Variants in TNIK observed in about 807,000 individuals in gnomAD.
The protein encoded by TNIK is TRAF2 and NCK-interacting protein kinase.
Under a neutral mutation model 191.3 loss-of-function variants are expected in TNIK, and 49 were observed. The ratio of observed to expected loss-of-function variants is 0.26; its 90% CI spans 0.20 to 0.32. The LOEUF is 0.32. Ranked by LOEUF, TNIK falls within the 10% of genes least tolerant of loss-of-function variation. The pLI is 1.00. For missense variants in TNIK, 1,155 were observed against 1,702.3 expected, an observed-to-expected ratio of 0.68 and a Z score of 5.66; for synonymous variants, 594 against 600.9, an observed-to-expected ratio of 0.99 and a Z score of 0.17.
intron 27 of TNIK, 125 bp downstream of exon 27, chr3:171,082,126 A>G: frequency 1.5e-6 from 2 of 1,303,614 alleles, no homozygotes; most frequent in Non-Finnish European, 2.1e-6. Context: ...CACTCTGGCT[A>G]TACTGCTATA....
At chr3:171,261,357 C>A (rs1367455243) in intron 2 of TNIK, among the ~76,000 whole-genome samples, 1 of 152,172 alleles carries the variant, frequency 6.6e-6, no homozygotes, top group Non-Finnish European at 1.5e-5. Context: ...ATATTTCTCC[C>A]CAAGCAAAAT....
chr3:171,333,103 C>T lies in TNIK; in HGVS notation c.123+36517G>A, dbSNP rs146690590. On this transcript the variant is annotated intron_variant, in intron 2 of 32. Coordinates refer to ENST00000436636, the MANE Select transcript of TNIK (RefSeq NM_015028.4). ...GGAAGAGGCCCCAGTTGATGGCCTT[C>T]GAACTATATTCTGCTTGAAAATATT... 1.1e-4 allele frequency among the ~76,000 whole-genome samples: 17 copies of T among 152,122 alleles called. 1 individual carries two copies. Among genetic ancestry groups the T allele is most frequent in the African/African-American group, 4.1e-4 (17 of 41,504 alleles).
intron 1 of TNIK, among the ~76,000 whole-genome samples, chr3:171,380,021 A>G (rs922696165): frequency 3.3e-5 from 2 of 61,064 alleles, no homozygotes; most frequent in African/African-American, 1.2e-4. Flanking sequence ...ACACACACAC[A>G]CACACGCGCA....
chr3:171,119,524 G>T (rs369691141), intron 18 of TNIK, among the ~76,000 whole-genome samples: 2 of 152,160 alleles, frequency 1.3e-5, no homozygotes, highest in African/African-American at 2.4e-5. Context: ...TATTCACAAT[G>T]ACAAAGACTT....
In TNIK at chr3:171,110,814, G is replaced by A. The variant is rs1198708328; in HGVS notation, c.2184C>T (p.Gly728=). ...LESPLQRTSS[G]SSSSSSTPSS... ...TAGGGGTGCTGGAGCTGGAGGAACT[G>A]CCACTGCTGGTCCTCTGCAAGGGGC... The change falls in exon 19 of 33, where the codon GGC becomes GGT. Residue 728 remains glycine, a synonymous_variant. Coordinates refer to ENST00000436636, the MANE Select transcript of TNIK (RefSeq NM_015028.4). The A allele has an allele frequency of 1.2e-6, 2 of 1,604,512 alleles. No individual in the cohort carries two copies. The highest frequency in any genetic ancestry group is 1.7e-6 in the Non-Finnish European group (2 of 1,175,996).
At chr3:171,217,086 A>C (rs1741542035) in intron 3 of TNIK, among the ~76,000 whole-genome samples, 1 of 152,128 alleles carries the variant, frequency 6.6e-6, no homozygotes, top group Non-Finnish European at 1.5e-5. Flanking sequence ...CTGCCAAAAA[A>C]ATACTTGCAC....
At chr3:171,131,664 C>T (rs1026401497) in intron 15 of TNIK, among the ~76,000 whole-genome samples, 2 of 152,166 alleles carry the variant, frequency 1.3e-5, no homozygotes, top group Admixed American at 6.5e-5. Context: ...AAGGGTGTAA[C>T]GATGAGGCAT....
chr3:171,112,053 G>C (rs146106300), intron 18 of TNIK, among the ~76,000 whole-genome samples: 27 of 152,244 alleles, frequency 1.8e-4, no homozygotes, highest in African/African-American at 6.0e-4. Context: ...GAAGATAGTA[G>C]ATCTTAAATG....
intron 15 of TNIK, among the ~76,000 whole-genome samples, chr3:171,137,850 AC>A (rs1347638382): frequency 2.0e-5 from 3 of 152,164 alleles, no homozygotes. Context: ...ACATTATTCA[AC>A]AAAAAGGTCA....
chr3:171,152,777 T>G (rs547415530), intron 12 of TNIK, among the ~76,000 whole-genome samples: 2 of 7,590 alleles, frequency 2.6e-4, no homozygotes, highest in African/African-American at 9.0e-3. Flanking sequence ...TTGTTTTTTG[T>G]TTTTTTTTTT....
chr3:171,260,388 T>C (rs1003688338), intron 2 of TNIK, among the ~76,000 whole-genome samples: 1 of 152,174 alleles, frequency 6.6e-6, no homozygotes, highest in Non-Finnish European at 1.5e-5. Flanking sequence ...CCAGTGTCAC[T>C]GAATAACTTT....
chr3:171,211,330 G>A, intron 3 of TNIK, 89 bp from the exon 4 acceptor site: 1 of 1,424,474 alleles, frequency 7.0e-7, no homozygotes, highest in Non-Finnish European at 9.4e-7. Flanking sequence ...ATTTTTTCTT[G>A]TTTTTTCTTC....
chr3:171,177,293 G>A (rs1369264523), intron 8 of TNIK, 33 bp downstream of exon 8: 2 of 1,594,354 alleles, frequency 1.3e-6, no homozygotes, highest in Non-Finnish European at 1.7e-6. Flanking sequence ...GAGCAGACCA[G>A]CAACAGATTT....
chr3:171,084,362 T>C (rs1036409659), intron 25 of TNIK, 37 bp from the exon 26 acceptor site: 6 of 1,594,242 alleles, frequency 3.8e-6, no homozygotes, highest in Non-Finnish European at 5.1e-6. Flanking sequence ...AGTGACATCT[T>C]AAAAGATAAC....
rs750448181 is a variant in TNIK, at chr3:171,066,642, C to T, written c.3793G>A (p.Val1265Ile). 1.2e-5 allele frequency: 19 copies of T among 1,613,760 alleles called. No homozygotes were observed. In the South Asian group the frequency reaches 2.0e-4, roughly 17 times the overall value. The change falls in exon 31 of 33, where the codon GTA (valine) becomes ATA (isoleucine). Residue 1265 changes from valine to isoleucine, a missense_variant. By Grantham distance (29) the Val-to-Ile change is conservative. Transcript: ENST00000436636. ...LVCYEDEGVYVNTYGRITKDV... is the reference protein window; with the variant it reads ...LVCYEDEGVYINTYGRITKDV... ...TTAGTTATCCGGCCATAGGTGTTTA[C>T]ATACACCCCCTCATCCTCATAGCAA...
At chr3:171,208,353 A>G (rs534005969) in intron 4 of TNIK, among the ~76,000 whole-genome samples, 26 of 150,794 alleles carry the variant, frequency 1.7e-4, no homozygotes, top group South Asian at 1.5e-3. Context: ...AAGATTAGAG[A>G]AAAAAAAAGC....
At chr3:171,126,213 T>C in intron 16 of TNIK, 62 bp from the exon 17 acceptor site, 1 of 1,439,424 alleles carries the variant, frequency 6.9e-7, no homozygotes. Context: ...AGCCAGTACC[T>C]CAGTGAGCTG....
chr3:171,368,319 A>G (rs989491020), intron 2 of TNIK, among the ~76,000 whole-genome samples: 2 of 152,204 alleles, frequency 1.3e-5, no homozygotes, highest in African/African-American at 4.8e-5. Flanking sequence ...ATCAGAAGTA[A>G]TTTTGTACCT....
chr3:171,427,489 C>T (rs1254759540), intron 1 of TNIK, among the ~76,000 whole-genome samples: 1 of 152,166 alleles, frequency 6.6e-6, no homozygotes, highest in Non-Finnish European at 1.5e-5. Flanking sequence ...GTTTCCTCAG[C>T]TGTAAAATGG....
Sources: allele counts gnomAD v4.1 joint callset (sites outside exome capture counted in the v4.1 genomes callset), GRCh38; gene constraint gnomAD v4.1.1; transcripts MANE v1.5; gene names NCBI Gene and HGNC (gene_info 2026-07-23, HGNC 2026-07-21).